IL16: variants seen among roughly 807,000 people sequenced by gnomAD.
IL16 encodes interleukin 16, also known as pro-interleukin-16.
Under a neutral mutation model 110.1 loss-of-function variants are expected in IL16, and 67 were observed. That is an observed-to-expected ratio of 0.61 (90% CI 0.50 to 0.75). The LOEUF is 0.75. IL16 is among the 30% of genes least tolerant of loss of function. IL16 has a pLI of 0.00. For missense variants in IL16, 1,545 were observed against 1,655.0 expected (o/e 0.93, Z 1.15); for synonymous variants, 689 against 662.9 (o/e 1.04, Z -0.61).
At chr15:81,226,531 A>C (rs1174468696) in intron 2 of IL16, among the ~76,000 whole-genome samples, 4 of 152,222 alleles carry the variant, frequency 2.6e-5, no homozygotes, top group Admixed American at 2.0e-4. Context: ...CTGCCAGTCT[A>C]TGCATTTAAA....
intron 5 of IL16, among the ~76,000 whole-genome samples, chr15:81,270,960 A>G (rs1045851620): frequency 6.6e-6 from 1 of 152,216 alleles, no homozygotes; most frequent in Non-Finnish European, 1.5e-5. Flanking sequence ...GATGACAAGT[A>G]GCAGTGAAGC....
chr15:81,267,489 C>CACACACACACACAT (rs1398136119), intron 4 of IL16, among the ~76,000 whole-genome samples: 2 of 142,600 alleles, frequency 1.4e-5, no homozygotes, highest in African/African-American at 2.9e-5. Flanking sequence ...GACACACACA[C>CACACACACACACAT]ACACACACAC....
chr15:81,277,449 CTT>C (rs142967629), intron 6 of IL16, among the ~76,000 whole-genome samples: 19 of 143,562 alleles, frequency 1.3e-4, no homozygotes, highest in East Asian at 2.0e-4. Context: ...CTTTTCTTTC[CTT>C]TTTTTTTTTT....
At chr15:81,198,742 A>G (rs929499398) in intron 1 of IL16, among the ~76,000 whole-genome samples, 2 of 90,770 alleles carry the variant, frequency 2.2e-5, no homozygotes, top group Non-Finnish European at 3.7e-5. Flanking sequence ...TCTACTGGCC[A>G]GGTACAGTGG....
At chr15:81,257,216 A>G (rs1897978499) in intron 2 of IL16, among the ~76,000 whole-genome samples, 1 of 152,180 alleles carries the variant, frequency 6.6e-6, no homozygotes. Context: ...CTCTAGTTTT[A>G]AACATTGACT....
intron 1 of IL16, among the ~76,000 whole-genome samples, chr15:81,198,096 C>T (rs1895666095): frequency 6.6e-6 from 1 of 152,174 alleles, no homozygotes; most frequent in Admixed American, 6.5e-5. Flanking sequence ...GAAGGCACCT[C>T]CCCTGCTGCA....
intron 4 of IL16, among the ~76,000 whole-genome samples, chr15:81,266,887 A>G (rs1490338158): frequency 6.6e-6 from 1 of 152,210 alleles, no homozygotes; most frequent in African/African-American, 2.4e-5. Flanking sequence ...TTCCCTGCAT[A>G]GTACATAATA....
At chr15:81,231,512 A>G (rs1896988349) in intron 2 of IL16, among the ~76,000 whole-genome samples, 1 of 152,112 alleles carries the variant, frequency 6.6e-6, no homozygotes, top group Non-Finnish European at 1.5e-5. Context: ...AGTTGGGACT[A>G]CAGGCACATG....
chr15:81,228,988 T>A (rs1019391221), intron 2 of IL16, among the ~76,000 whole-genome samples: 5 of 152,204 alleles, frequency 3.3e-5, no homozygotes, highest in Admixed American at 2.0e-4. Context: ...ATGAGAAAAT[T>A]CACCTAAAAC....
intron 1 of IL16, among the ~76,000 whole-genome samples, chr15:81,198,806 G>A (rs1895693377): frequency 6.6e-6 from 1 of 151,272 alleles, no homozygotes; most frequent in Non-Finnish European, 1.5e-5. Flanking sequence ...GATCACTTGA[G>A]GTCAGGAGTT....
chr15:81,284,010 A>G (rs1299825059), intron 9 of IL16, among the ~76,000 whole-genome samples: 1 of 146,314 alleles, frequency 6.8e-6, no homozygotes, highest in East Asian at 2.0e-4. Flanking sequence ...CTCAGAAAAA[A>G]AAAAAAAAAA....
chr15:81,220,493 C>A (rs1896577156), intron 1 of IL16, among the ~76,000 whole-genome samples: 1 of 152,148 alleles, frequency 6.6e-6, no homozygotes. Flanking sequence ...CCATACATTT[C>A]TTCATTTCTT....
chr15:81,247,074 TC>T (rs1567016875), intron 2 of IL16, among the ~76,000 whole-genome samples: 2 of 123,186 alleles, frequency 1.6e-5, no homozygotes, highest in African/African-American at 4.0e-5. Context: ...TCTTTTCTTT[TC>T]CTTTTTTTTT....
chr15:81,306,293 G>A, intron 17 of IL16, 127 bp downstream of exon 17: 1 of 1,519,728 alleles, frequency 6.6e-7, no homozygotes, highest in Non-Finnish European at 8.9e-7. Flanking sequence ...TACACTGCCT[G>A]AGACGTGTTT....
At chr15:81,295,300 G>C (rs1396604819) in intron 12 of IL16, 15 of 1,070,026 alleles carry the variant, frequency 1.4e-5, no homozygotes, top group Admixed American at 4.4e-5. Context: ...ACTAGTAAGA[G>C]AAAAATTTGT....
chr15:81,182,788 C>G, exon 1 of IL16: 1 of 1,015,656 alleles, frequency 9.8e-7, no homozygotes, highest in Non-Finnish European at 1.4e-6. Context: ...ATCGATCCTC[C>G]CATGGACCCC....
chr15:81,273,005 G>C, intron 5 of IL16, 85 bp from the exon 6 acceptor site: 1 of 1,028,932 alleles, frequency 9.7e-7, no homozygotes, highest in Non-Finnish European at 1.5e-6. Flanking sequence ...TTTGTTCAGG[G>C]CTGAGGCAGG....
At chr15:81,237,890 T>A (rs1253780865) in intron 2 of IL16, among the ~76,000 whole-genome samples, 4 of 151,586 alleles carry the variant, frequency 2.6e-5, no homozygotes, top group Non-Finnish European at 4.4e-5. Flanking sequence ...TTTTATTTTT[T>A]AATTTTATTT....
At position 81,308,969 on chromosome 15, in the gene IL16, G is replaced by A. The variant is rs1053030656; in HGVS notation, c.*171G>A. The A allele has an allele frequency of 1.1e-5, 6 of 534,152 alleles. No individual in the cohort carries two copies. The highest frequency in any genetic ancestry group is 2.0e-5 in the Non-Finnish European group (6 of 304,820). 33.1% of individuals were successfully genotyped at this position (534,152 alleles called of 1,614,324 possible). On this transcript the variant is annotated 3_prime_UTR_variant, in exon 19 of 19. Coordinates refer to ENST00000683961, the MANE Select transcript of IL16 (RefSeq NM_172217.5). ...CTTCTAGGACGCCACCCAGCAAAAG[G>A]TTGTTCCTAAAATAAGGGCAGAGTC...
Sources: allele counts gnomAD v4.1 joint callset (sites outside exome capture counted in the v4.1 genomes callset), GRCh38; gene constraint gnomAD v4.1.1; transcripts MANE v1.5; gene names NCBI Gene and HGNC (gene_info 2026-07-23, HGNC 2026-07-21).